The following ELAVL1 variants were observed in gnomAD, a reference collection of about 807,000 sequenced individuals.
ELAVL1 encodes ELAV-like protein 1.
A neutral mutation model predicts 28.4 loss-of-function variants in ELAVL1; 1 was observed. The ratio of observed to expected loss-of-function variants is 0.04; its 90% CI spans 0.01 to 0.17. The LOEUF (loss-of-function observed/expected upper bound fraction) is 0.17. Among genes scored for constraint, ELAVL1 ranks in the 10% least tolerant of loss-of-function variants. The pLI is 1.00. For synonymous variants in ELAVL1, 174 were observed against 183.5 expected (o/e 0.95, Z 0.42); for missense variants, 157 against 447.2 (o/e 0.35, Z 5.85).
Position 7,963,254 on chromosome 19 carries a change from T to C in ELAVL1, c.*229A>G, listed in dbSNP as rs1158801097. ...TCTACTTAGATTTCTGTTTAATATA[T>C]ATCTTAAAGGAAATAACTTACGAAA... On this transcript the variant is annotated 3_prime_UTR_variant, in exon 6 of 6. Transcript: ENST00000407627. This position sits in a 1 kb window ranked among gnomAD's most constrained non-coding sequence, Gnocchi z 4.5. The C allele has an allele frequency of 3.6e-6, 2 of 547,972 alleles. No homozygotes were observed. Among genetic ancestry groups the C allele is most frequent in the African/African-American group, 3.8e-5 (2 of 52,932 alleles). 33.9% of individuals were successfully genotyped at this position (547,972 alleles called of 1,614,324 possible). A position where few individuals can be genotyped will look rare whatever the true frequency, so the allele number is the denominator to read the frequency against.
At chr19:8,000,239 T>C (rs779950749) in intron 1 of ELAVL1, among the ~76,000 whole-genome samples, 16 of 152,156 alleles carry the variant, frequency 1.1e-4, no homozygotes, top group Admixed American at 4.6e-4. Context: ...GGAGAAGTCT[T>C]GTTTGGATGA....
intron 3 of ELAVL1, among the ~76,000 whole-genome samples, chr19:7,976,049 C>T (rs1985274351): frequency 6.6e-6 from 1 of 150,414 alleles, no homozygotes; most frequent in Non-Finnish European, 1.5e-5. Context: ...GCCGTGATCA[C>T]ATCACTGCAG....
chr19:8,002,768 T>C (rs1430056307), intron 1 of ELAVL1, among the ~76,000 whole-genome samples: 3 of 151,992 alleles, frequency 2.0e-5, no homozygotes, highest in East Asian at 3.9e-4. Context: ...GTGGAAGAGA[T>C]CTGTCTCCAG....
At chr19:8,001,842 C>A (rs949970381) in intron 1 of ELAVL1, among the ~76,000 whole-genome samples, 2 of 152,072 alleles carry the variant, frequency 1.3e-5, no homozygotes, top group African/African-American at 2.4e-5. Flanking sequence ...CTGGCACAGA[C>A]AAAATATCAA....
chr19:7,980,671 C>T (rs574650825), intron 3 of ELAVL1, among the ~76,000 whole-genome samples: 135 of 152,274 alleles, frequency 8.9e-4, no homozygotes, highest in Non-Finnish European at 1.5e-3. Context: ...CCCCGACCCA[C>T]GGGGGCACTG....
intron 1 of ELAVL1, among the ~76,000 whole-genome samples, chr19:8,001,634 A>T (rs567303512): frequency 3.0e-3 from 413 of 139,134 alleles, no homozygotes; most frequent in East Asian, 0.015. Context: ...CTTAAAAAAA[A>T]TTTTTTTTTT....
At chr19:8,002,479 C>G (rs2081071456) in intron 1 of ELAVL1, among the ~76,000 whole-genome samples, 1 of 152,224 alleles carries the variant, frequency 6.6e-6, no homozygotes, top group South Asian at 2.1e-4. Flanking sequence ...GAGCGAGCCT[C>G]ACTTCCCTCC....
At chr19:7,984,449 T>C (rs1377083498) in intron 2 of ELAVL1, among the ~76,000 whole-genome samples, 3 of 152,106 alleles carry the variant, frequency 2.0e-5, no homozygotes, top group African/African-American at 7.2e-5. Flanking sequence ...ACAATGCCAG[T>C]GTATTCCCAG....
At chr19:7,965,040 G>T (rs1211233756) in intron 5 of ELAVL1, among the ~76,000 whole-genome samples, 1 of 152,230 alleles carries the variant, frequency 6.6e-6, no homozygotes, top group Non-Finnish European at 1.5e-5. Context: ...TCACCCTCTC[G>T]ACAGACACGA....
At chr19:7,994,986 C>T (rs1643828330) in intron 1 of ELAVL1, among the ~76,000 whole-genome samples, 1 of 151,010 alleles carries the variant, frequency 6.6e-6, no homozygotes, top group African/African-American at 2.5e-5. Context: ...GCAAGGAAGG[C>T]ACTACCTCAT....
chr19:7,974,514 C>T (rs1488490110), intron 3 of ELAVL1, among the ~76,000 whole-genome samples: 2 of 152,094 alleles, frequency 1.3e-5, no homozygotes, highest in East Asian at 3.8e-4. Context: ...GAGGGGAGCC[C>T]GGAGGCCAAT....
intron 3 of ELAVL1, among the ~76,000 whole-genome samples, chr19:7,975,831 G>A (rs530541773): frequency 6.6e-6 from 1 of 152,346 alleles, no homozygotes; most frequent in South Asian, 2.1e-4. Context: ...TTTAGGCCAG[G>A]TGTGGTGGCG....
chr19:7,984,004 C>T (rs1339468498), intron 2 of ELAVL1, among the ~76,000 whole-genome samples: 1 of 152,124 alleles, frequency 6.6e-6, no homozygotes, highest in African/African-American at 2.4e-5. Context: ...GCTCCTCACT[C>T]CCTGTCCATT....
intron 1 of ELAVL1, chr19:8,002,005 A>T: frequency 7.8e-7 from 1 of 1,275,680 alleles, no homozygotes; most frequent in African/African-American, 1.5e-5. Flanking sequence ...CCTCTCCACC[A>T]GGGTGAGCAG....
chr19:7,972,182 C>T (rs1985132101), intron 4 of ELAVL1, among the ~76,000 whole-genome samples: 1 of 152,242 alleles, frequency 6.6e-6, no homozygotes, highest in Non-Finnish European at 1.5e-5. Context: ...AGTTAGCAGA[C>T]TCCTGCTCCT....
Position 7,967,615 on chromosome 19 carries a change from C to A in ELAVL1, c.606G>T (p.Ser202=). 6.2e-7 allele frequency: 1 copy of A among 1,614,156 alleles called. No individual in the cohort carries two copies. Among genetic ancestry groups the A allele is most frequent in the Non-Finnish European group, 8.5e-7 (1 of 1,180,014 alleles). ...CGGGGCCTCCGAACCGTCGCGCTGG[C>A]GAGTGGTACAGCTGCGAGAGGAGTG... ...NVALLSQLYH[S]PARRFGGPVH... Residue 202 remains serine, a synonymous_variant, in exon 5 of 6, where the codon TCG becomes TCT. Transcript: ENST00000407627.
At chr19:7,988,281 G>A (rs1361693550) in intron 2 of ELAVL1, among the ~76,000 whole-genome samples, 2 of 152,192 alleles carry the variant, frequency 1.3e-5, no homozygotes, top group African/African-American at 2.4e-5. Flanking sequence ...AGGGGCCGAG[G>A]GCTTCTGGAG....
chr19:7,991,983 C>A (rs1985765318), intron 1 of ELAVL1, among the ~76,000 whole-genome samples, 152 bp from the exon 2 acceptor site: 1 of 150,988 alleles, frequency 6.6e-6, no homozygotes, highest in Non-Finnish European at 1.5e-5. Flanking sequence ...CTCTGTCACC[C>A]AGGCTGGAGT....
chr19:7,971,790 C>T (rs1231227836), intron 4 of ELAVL1, among the ~76,000 whole-genome samples: 9 of 152,210 alleles, frequency 5.9e-5, no homozygotes, highest in Admixed American at 2.0e-4. Context: ...GAACGAAGGC[C>T]GGCAGCGGCA....
Sources: allele counts gnomAD v4.1 joint callset (sites outside exome capture counted in the v4.1 genomes callset), GRCh38; gene constraint gnomAD v4.1.1; non-coding constraint Gnocchi (gnomAD v3.1); transcripts MANE v1.5; gene names NCBI Gene and HGNC (gene_info 2026-07-23, HGNC 2026-07-21).